The following GNG4 variants were observed in gnomAD, a reference collection of about 807,000 sequenced individuals.
GNG4 encodes G protein subunit gamma 4, also known as guanine nucleotide-binding protein G(I)/G(S)/G(O) subunit gamma-4.
A neutral mutation model predicts 5.8 loss-of-function variants in GNG4; 4 were observed. The ratio of observed to expected loss-of-function variants is 0.69; its 90% CI spans 0.34 to 1.57. The LOEUF is 1.57. Ranked by LOEUF, GNG4 falls within the 40% of genes most tolerant of loss-of-function variation. The pLI is 0.06. For missense variants in GNG4, 96 were observed against 95.1 expected (o/e 1.01, Z -0.04); for synonymous variants, 29 against 32.9 (o/e 0.88, Z 0.41).
chr1:235,611,217 G>A (rs1688469695), intron 1 of GNG4, among the ~76,000 whole-genome samples: 1 of 151,734 alleles, frequency 6.6e-6, no homozygotes, highest in Admixed American at 6.6e-5. Flanking sequence ...ACCCAGGCTG[G>A]AGTGAAGTGG....
At chr1:235,569,675 C>T (rs958271977) in intron 3 of GNG4, among the ~76,000 whole-genome samples, 1 of 151,962 alleles carries the variant, frequency 6.6e-6, no homozygotes, top group African/African-American at 2.4e-5. Flanking sequence ...TCAAGCGATT[C>T]TCCCACCTCA....
chr1:235,622,048 G>A (rs7534170), intron 1 of GNG4, among the ~76,000 whole-genome samples: 1 of 152,216 alleles, frequency 6.6e-6, no homozygotes, highest in African/African-American at 2.4e-5. Flanking sequence ...AACTTATGTG[G>A]ACTGTAAATG....
intron 1 of GNG4, among the ~76,000 whole-genome samples, chr1:235,605,381 G>C (rs1429293316): frequency 6.6e-6 from 1 of 152,018 alleles, no homozygotes; most frequent in African/African-American, 2.4e-5. Flanking sequence ...AGTCGAGATG[G>C]CTAGGCTGGT....
chr1:235,601,494 C>T (rs1266207630), intron 1 of GNG4, among the ~76,000 whole-genome samples: 7 of 152,022 alleles, frequency 4.6e-5, no homozygotes, highest in South Asian at 2.1e-4. Flanking sequence ...ATTCTGAAGC[C>T]GTAAGATGGA....
At chr1:235,645,001 C>A (rs1376070813) in intron 1 of GNG4, among the ~76,000 whole-genome samples, 1 of 152,154 alleles carries the variant, frequency 6.6e-6, no homozygotes, top group Non-Finnish European at 1.5e-5. Context: ...CCAGGGCCCA[C>A]GTGGACGTGT....
At chr1:235,637,825 G>A (rs928980598) in intron 1 of GNG4, among the ~76,000 whole-genome samples, 1 of 152,212 alleles carries the variant, frequency 6.6e-6, no homozygotes, top group Non-Finnish European at 1.5e-5. Context: ...ATAATGGAGA[G>A]AGGCGGCACA....
At chr1:235,647,047 T>A (rs6680397) in intron 1 of GNG4, among the ~76,000 whole-genome samples, 1 of 151,942 alleles carries the variant, frequency 6.6e-6, no homozygotes, top group Non-Finnish European at 1.5e-5. Flanking sequence ...TCTCCTTTTC[T>A]TTCCTGATAC....
In GNG4 at chr1:235,550,283, T is replaced by C. The variant is rs906921441; in HGVS notation, c.*1826A>G. 2.0e-5 allele frequency: 3 copies of C among 152,214 alleles called. No individual in the cohort carries two copies. Among genetic ancestry groups the C allele is most frequent in the Non-Finnish European group, 4.4e-5 (3 of 68,042 alleles). 9.4% of individuals were successfully genotyped at this position (152,214 alleles called of 1,614,324 possible). A position where few individuals can be genotyped will look rare whatever the true frequency, so the allele number is the denominator to read the frequency against. On this transcript the variant is annotated 3_prime_UTR_variant, in exon 4 of 4. Transcript: ENST00000391854. ...CTCCTGGAGAATGTGGGAAGTGAAG[T>C]GTGCCACGGGTTACTGCAACAAAGG...
At chr1:235,569,974 T>C (rs1174668823) in intron 3 of GNG4, among the ~76,000 whole-genome samples, 3 of 152,196 alleles carry the variant, frequency 2.0e-5, no homozygotes, top group African/African-American at 7.2e-5. Context: ...CTTTTGAGAT[T>C]AAGACCCTCA....
chr1:235,588,367 C>T lies in GNG4; in HGVS notation c.-10-4519G>A, dbSNP rs558927696. On this transcript the variant is annotated intron_variant, in intron 2 of 3. Coordinates refer to ENST00000391854, the MANE Select transcript of GNG4 (RefSeq NM_001098722.2). ...CGAGGCCCCTGGACCTGGCCCCCAG[C>T]GGGGGCTGTGCTCTCCGACCCCAGC... is the stretch of plus-strand genomic sequence containing the variant. Among the ~76,000 whole-genome samples the T allele has an allele frequency of 1.7e-3, 260 of 152,070 alleles. 3 individuals carry two copies. Among genetic ancestry groups the T allele is most frequent in the Non-Finnish European group, 1.9e-3 (131 of 67,996 alleles).
At chr1:235,597,869 C>T (rs572488867) in intron 1 of GNG4, among the ~76,000 whole-genome samples, 1 of 152,154 alleles carries the variant, frequency 6.6e-6, no homozygotes, top group South Asian at 2.1e-4. Flanking sequence ...CTCAGGTGAT[C>T]CACTCACCTC....
rs1282637706 is a variant in GNG4, at chr1:235,597,608, G to A, written c.-122-2097C>T. ...GTTTGCTGTGTGTGTGTGTGTGTGTGTGTGTGTGTGTGTGTGTGTGTATTT... is the reference window on the plus strand; with the variant it reads ...GTTTGCTGTGTGTGTGTGTGTGTGTATGTGTGTGTGTGTGTGTGTGTATTT... On this transcript the variant is annotated intron_variant, in intron 1 of 3. Transcript: ENST00000391854. Among the ~76,000 whole-genome samples the A allele has an allele frequency of 2.8e-5, 3 of 107,982 alleles. No homozygotes were observed. The South Asian group carries it at 8.1e-4, about 29-fold the overall frequency. The allele number at this position is 107,982 out of a possible 152,430, so 70.8% of individuals were successfully genotyped here. A position where few individuals can be genotyped will look rare whatever the true frequency, so the allele number is the denominator to read the frequency against.
chr1:235,603,751 T>A (rs1037484702), intron 1 of GNG4, among the ~76,000 whole-genome samples: 2 of 152,150 alleles, frequency 1.3e-5, no homozygotes, highest in African/African-American at 4.8e-5. Flanking sequence ...TGGGTTGTAA[T>A]GGACTTGAGA....
chr1:235,563,704 C>T (rs1009888828), intron 3 of GNG4, among the ~76,000 whole-genome samples: 5 of 152,124 alleles, frequency 3.3e-5, no homozygotes, highest in African/African-American at 7.2e-5. Flanking sequence ...GCACATGTGA[C>T]TTTGTTTCTG....
chr1:235,636,284 G>A (rs1689035138), intron 1 of GNG4, among the ~76,000 whole-genome samples: 1 of 152,208 alleles, frequency 6.6e-6, no homozygotes, highest in Non-Finnish European at 1.5e-5. Flanking sequence ...CTTCCAAAGC[G>A]GGTTCAGAAA....
rs1410111891 is a variant in GNG4 at position 235,642,902 on chromosome 1, C to T, written c.-123+6760G>A. On this transcript the variant is annotated intron_variant, in intron 1 of 3. Transcript: ENST00000391854. This position sits in a 1 kb window ranked among gnomAD's most constrained non-coding sequence, Gnocchi z 4.3. ...AGTCATACACCCTCTCTCTACTTGC[C>T]CAGCTTCATTCACAAAACCAGGTCA... Among the ~76,000 whole-genome samples the T allele has an allele frequency of 6.6e-6, 1 of 152,098 alleles. No individual in the cohort carries two copies. Among genetic ancestry groups the T allele is most frequent in the Non-Finnish European group, 1.5e-5 (1 of 68,014 alleles).
In GNG4 at chr1:235,634,827, G is replaced by A. The variant is rs772858271; in HGVS notation, c.-123+14835C>T. On this transcript the variant is annotated intron_variant, in intron 1 of 3. Transcript: ENST00000391854. ...GCGTGGTGGTGCATGCCTCCTACTC[G>A]GGAGGCTGAGGCAGAAGAATAGCTT... is the stretch of plus-strand genomic sequence containing the variant. 1.1e-4 allele frequency among the ~76,000 whole-genome samples: 16 copies of A among 152,190 alleles called. No homozygotes were observed. The East Asian group carries it at 1.7e-3, about 17-fold the overall frequency.
chr1:235,565,660 G>C (rs1687175373), intron 3 of GNG4: 1 of 152,234 alleles, frequency 6.6e-6, no homozygotes, highest in Non-Finnish European at 1.5e-5. Context: ...GAGCTCAGGA[G>C]TTGAGAGCAG....
At chr1:235,587,010 G>A (rs928032465) in intron 2 of GNG4, among the ~76,000 whole-genome samples, 3 of 152,040 alleles carry the variant, frequency 2.0e-5, no homozygotes, top group Admixed American at 1.3e-4. Context: ...GGAGTTGGGG[G>A]AGGTTCAGGG....
Sources: gnomAD v4.1 joint callset for allele counts (sites outside exome capture counted in the v4.1 genomes callset) on GRCh38, gnomAD v4.1.1 for gene constraint, Gnocchi (gnomAD v3.1) non-coding constraint, MANE v1.5 for transcripts, NCBI Gene and HGNC (gene_info 2026-07-23, HGNC 2026-07-21) for gene names.